ABHD16A: variants seen among roughly 807,000 people sequenced by gnomAD.
ABHD16A encodes phosphatidylserine lipase ABHD16A.
ABHD16A carries 47 observed loss-of-function variants against 89.8 expected under a neutral mutation model. That is an observed-to-expected ratio of 0.52 (90% CI 0.41 to 0.67). ABHD16A has a LOEUF of 0.67. Among genes scored for constraint, ABHD16A ranks in the 30% least tolerant of loss-of-function variants. ABHD16A has a pLI of 0.00. For synonymous variants in ABHD16A, 251 were observed against 280.4 expected, an observed-to-expected ratio of 0.90 and a Z score of 1.05; for missense variants, 580 against 734.6, an observed-to-expected ratio of 0.79 and a Z score of 2.43.
At chr6:31,694,268 G>A (rs1282241825) in intron 5 of ABHD16A, among the ~76,000 whole-genome samples, 3 of 151,958 alleles carry the variant, frequency 2.0e-5, no homozygotes, top group African/African-American at 7.3e-5. Flanking sequence ...TGTTGCCCAG[G>A]CTGGTCTCCA....
chr6:31,691,922 TGGG>T lies in ABHD16A; in HGVS notation c.627-7_627-5del. ...TAGGGTGTGCGCCACCAGGTAGCTG[TGGG>T]GAACACAGGTTAACAAACCCCAACC... is the stretch of plus-strand genomic sequence containing the variant. On this transcript the variant is annotated splice_polypyrimidine_tract_variant and splice_region_variant and intron_variant, in intron 7 of 19. Coordinates refer to ENST00000395952, the MANE Select transcript of ABHD16A (RefSeq NM_021160.3). 6.2e-7 allele frequency: 1 copy of T among 1,600,142 alleles called. No homozygotes were observed. Among genetic ancestry groups the T allele is most frequent in the Non-Finnish European group, 8.5e-7 (1 of 1,174,180 alleles).
chr6:31,695,702 A>C (rs1804320899), intron 5 of ABHD16A, among the ~76,000 whole-genome samples: 1 of 149,566 alleles, frequency 6.7e-6, no homozygotes. Context: ...CAGCCTGGGC[A>C]ACAAGAGCGA....
chr6:31,694,387 CTTTTTTTTTTTT>C (rs1190272819), intron 5 of ABHD16A, among the ~76,000 whole-genome samples: 1 of 77,720 alleles, frequency 1.3e-5, no homozygotes, highest in Non-Finnish European at 2.3e-5. Context: ...GGAGCTGTGT[CTTTTTTTTTTTT>C]TTTTTTTTTG....
In ABHD16A at chr6:31,700,957, C is replaced by A. The variant is rs1235090874; in HGVS notation, c.328G>T (p.Val110Leu). The change falls in exon 4 of 20, where the codon GTG becomes TTG. Residue 110 changes from valine to leucine, a missense_variant. Physicochemically the swap from Val to Leu is conservative, Grantham distance 32 (BLOSUM62 1). Coordinates refer to ENST00000395952, the MANE Select transcript of ABHD16A (RefSeq NM_021160.3). ...CTCCACCTACCTCGGAGGCAGGCCA[C>A]ACCTGCCAGAAGTAGCAGCAATGTC... ...AGTLLLLLAG[V>L]ACLRGIGRWT... The A allele has an allele frequency of 1.2e-6, 2 of 1,613,904 alleles. No homozygotes were observed.
chr6:31,703,152 A>C lies in ABHD16A; in HGVS notation c.130T>G (p.Trp44Gly). The C allele has an allele frequency of 2.1e-6, 3 of 1,427,114 alleles. No homozygotes were observed. Among genetic ancestry groups the C allele is most frequent in the Non-Finnish European group, 2.8e-6 (3 of 1,082,950 alleles). The allele number at this position is 1,427,114 out of a possible 1,614,324, so 88.4% of individuals were successfully genotyped here. The change falls in exon 1 of 20, where the codon TGG becomes GGG. Residue 44 changes from tryptophan to glycine, a missense_variant and splice_region_variant. Trp to Gly is a radical substitution (Grantham distance 184, BLOSUM62 -2). Coordinates refer to ENST00000395952, the MANE Select transcript of ABHD16A (RefSeq NM_021160.3). ...CGGTGGGGAGGAACTCGACTCACCCAGGAGCTGGAATGGGGGGCAGTGACT... is the reference window on the plus strand; with the variant it reads ...CGGTGGGGAGGAACTCGACTCACCCCGGAGCTGGAATGGGGGGCAGTGACT... ...TAVTAPHSSS[W>G]DTYYQPRALE...
chr6:31,700,877 G>A (rs774452944), intron 4 of ABHD16A, 65 bp downstream of exon 4: 7 of 1,376,166 alleles, frequency 5.1e-6, no homozygotes, highest in Non-Finnish European at 7.2e-6. Flanking sequence ...ATTTGCACAA[G>A]GTACTTAATT....
At chr6:31,702,213 C>G (rs1562124169) in intron 1 of ABHD16A, 83 bp from the exon 2 acceptor site, 1 of 1,357,620 alleles carries the variant, frequency 7.4e-7, no homozygotes, top group Non-Finnish European at 1.0e-6. Context: ...GCTGTGTGTC[C>G]TCTGGTTCTA....
chr6:31,694,554 G>A (rs1181178471), intron 5 of ABHD16A, among the ~76,000 whole-genome samples: 2 of 151,842 alleles, frequency 1.3e-5, no homozygotes, highest in African/African-American at 2.4e-5. Context: ...CACCATGCCC[G>A]GCTAATTTTT....
At position 31,687,726 on chromosome 6, in the gene ABHD16A, G is replaced by A. The variant is rs544708496; in HGVS notation, c.1462C>T (p.Arg488Ter). The A allele has an allele frequency of 2.6e-5, 42 of 1,612,848 alleles. No individual in the cohort carries two copies. The highest frequency in any genetic ancestry group is 1.2e-5 in the Non-Finnish European group (14 of 1,179,916). Residue 488 changes from arginine to a stop codon, truncating the protein, a stop_gained, in exon 18 of 20, where the codon CGA becomes TGA. Transcript: ENST00000395952. LOFTEE classifies it high-confidence loss of function. This position sits in a 1 kb window ranked among gnomAD's most constrained non-coding sequence, Gnocchi z 6.3. Reference sequence around the variant, plus strand: ...CACCAGTCCTCTTCCACCTCCCATCGGCTATAAATTGAGGCTGGTCAGGGA... The same window carrying A: ...CACCAGTCCTCTTCCACCTCCCATCAGCTATAAATTGAGGCTGGTCAGGGA... ...SQLEEASIYS[R>*]WEVEEDWCLS... is the part of the protein sequence containing the mutation.
chr6:31,690,199 G>A lies in ABHD16A; in HGVS notation c.908-72C>T. 7.2e-7 allele frequency: 1 copy of A among 1,397,078 alleles called. No homozygotes were observed. Among genetic ancestry groups the A allele is most frequent in the Non-Finnish European group, 9.7e-7 (1 of 1,026,628 alleles). The allele number at this position is 1,397,078 out of a possible 1,614,324, so 86.5% of individuals were successfully genotyped here. ...CTTTCTCCATCCCTGGGGGAAGGAAGAGCAGAAGTACCCCCCAGCTTAGAT... is the reference window on the plus strand; with the variant it reads ...CTTTCTCCATCCCTGGGGGAAGGAAAAGCAGAAGTACCCCCCAGCTTAGAT... On this transcript the variant is annotated intron_variant, in intron 10 of 19. Coordinates refer to ENST00000395952, the MANE Select transcript of ABHD16A (RefSeq NM_021160.3). This position sits in a 1 kb window ranked among gnomAD's most constrained non-coding sequence, Gnocchi z 4.1.
At chr6:31,695,881 A>C (rs1804339328) in intron 5 of ABHD16A, among the ~76,000 whole-genome samples, 1 of 149,322 alleles carries the variant, frequency 6.7e-6, no homozygotes, top group Non-Finnish European at 1.5e-5. Flanking sequence ...AAATACAAAA[A>C]TTGGCCAGGC....
chr6:31,692,792 T>C, intron 7 of ABHD16A: 9 of 195,182 alleles, frequency 4.6e-5, no homozygotes, highest in South Asian at 1.3e-4. Context: ...CTGAAGGAGC[T>C]TTTGTTCATA....
At chr6:31,691,529 A>G in intron 9 of ABHD16A, 50 bp downstream of exon 9, 3 of 1,575,780 alleles carry the variant, frequency 1.9e-6, no homozygotes, top group Non-Finnish European at 2.6e-6. Flanking sequence ...CCAGACCTCT[A>G]CTGCCTTCCT....
chr6:31,690,061 T>C lies in ABHD16A; in HGVS notation c.957+17A>G. 1 of 1,579,872 alleles carries C rather than the reference T, an allele frequency of 6.3e-7. No individual in the cohort carries two copies. The highest frequency in any genetic ancestry group is 8.6e-7 in the Non-Finnish European group (1 of 1,164,332). ...ACATAATTCAGGAAAAGGAAGGGAT[T>C]CCTGAGATGGTCTCACCGTGCTTCC... On this transcript the variant is annotated intron_variant, in intron 11 of 19. Coordinates refer to ENST00000395952, the MANE Select transcript of ABHD16A (RefSeq NM_021160.3). The surrounding 1 kb of genome is among the most constrained non-coding windows in gnomAD (Gnocchi z 4.1).
Position 31,688,892 on chromosome 6 carries a change from G to A in ABHD16A, c.1187-106C>T, listed in dbSNP as rs73398298. ...AAAACTGAGGCCCCCAGACAAAGGA[G>A]TCCTCCTGCTTCCAACAATGGGGCG... On this transcript the variant is annotated intron_variant, in intron 13 of 19. Coordinates refer to ENST00000395952, the MANE Select transcript of ABHD16A (RefSeq NM_021160.3). This position sits in a 1 kb window ranked among gnomAD's most constrained non-coding sequence, Gnocchi z 4.9. The A allele has an allele frequency of 3.5e-3, 4,982 of 1,429,954 alleles. 128 individuals are homozygous for A. In the African/African-American group the frequency reaches 0.061, roughly 18 times the overall value. The allele number at this position is 1,429,954 out of a possible 1,614,324, so 88.6% of individuals were successfully genotyped here. A position where few individuals can be genotyped will look rare whatever the true frequency, so the allele number is the denominator to read the frequency against.
chr6:31,693,263 C>T lies in ABHD16A; in HGVS notation c.503+96G>A. ...ACATAATGGCATTGGAAGGCAGGCA[C>T]TGTGACCTGAGAGGGCATGGAGGTG... On this transcript the variant is annotated intron_variant, in intron 6 of 19. Coordinates refer to ENST00000395952, the MANE Select transcript of ABHD16A (RefSeq NM_021160.3). This position sits in a 1 kb window ranked among gnomAD's most constrained non-coding sequence, Gnocchi z 5.0. The T allele has an allele frequency of 1.3e-6, 2 of 1,588,974 alleles. No homozygotes were observed. The highest frequency in any genetic ancestry group is 1.7e-6 in the Non-Finnish European group (2 of 1,161,610).
rs1314831356 is a variant in ABHD16A, at chr6:31,693,710, C to T, written c.430-278G>A. On this transcript the variant is annotated intron_variant, in intron 5 of 19. Coordinates refer to ENST00000395952, the MANE Select transcript of ABHD16A (RefSeq NM_021160.3). The surrounding 1 kb of genome is among the most constrained non-coding windows in gnomAD (Gnocchi z 5.0). ...CTTTTCTAAAAAACTAAGTCTGACC[C>T]ATCCCCAGGAGGAGTGGCTGAAGGT... 6.6e-6 allele frequency among the ~76,000 whole-genome samples: 1 copy of T among 152,202 alleles called. No individual in the cohort carries two copies. The highest frequency in any genetic ancestry group is 1.5e-5 in the Non-Finnish European group (1 of 68,040).
At chr6:31,699,144 A>C (rs953030406) in intron 4 of ABHD16A, among the ~76,000 whole-genome samples, 1 of 151,716 alleles carries the variant, frequency 6.6e-6, no homozygotes, top group Admixed American at 6.6e-5. Flanking sequence ...CGGTGGCTCA[A>C]GCCTGTAATC....
rs1165718076 is a variant in ABHD16A at position 31,703,292 on chromosome 6, C to A, written c.-11G>T. On this transcript the variant is annotated 5_prime_UTR_variant, in exon 1 of 20. Transcript: ENST00000395952. ...CAGCAGCTTCGCCATGGCCCCGGCTCGGGCCGCTGCTCTTCCAGCAGCAGG... is the reference window on the plus strand; with the variant it reads ...CAGCAGCTTCGCCATGGCCCCGGCTAGGGCCGCTGCTCTTCCAGCAGCAGG... 1.0e-5 allele frequency: 14 copies of A among 1,341,652 alleles called. No individual in the cohort carries two copies. The highest frequency in any genetic ancestry group is 1.4e-5 in the Non-Finnish European group (14 of 1,034,730). 83.1% of individuals were successfully genotyped at this position (1,341,652 alleles called of 1,614,324 possible). A position where few individuals can be genotyped will look rare whatever the true frequency, so the allele number is the denominator to read the frequency against.
Sources: allele counts gnomAD v4.1 joint callset (sites outside exome capture counted in the v4.1 genomes callset), GRCh38; gene constraint gnomAD v4.1.1; non-coding constraint Gnocchi (gnomAD v3.1); transcripts MANE v1.5; gene names NCBI Gene and HGNC (gene_info 2026-07-23, HGNC 2026-07-21).